RANBP3L: variants seen among roughly 807,000 people sequenced by gnomAD.
RANBP3L encodes the protein RAN binding protein 3 like, also known as ran-binding protein 3-like.
In RANBP3L, 56 loss-of-function variants were observed where a neutral mutation model predicts 67.2. That is an observed-to-expected ratio of 0.83 (90% CI 0.67 to 1.04). RANBP3L has a LOEUF of 1.04. Among genes scored for constraint, RANBP3L ranks in the 50% least tolerant of loss-of-function variants. The pLI, the probability that RANBP3L is intolerant of heterozygous loss-of-function variation, is 0.00. For synonymous variants in RANBP3L, 164 were observed against 181.4 expected (o/e 0.90, Z 0.77); for missense variants, 496 against 535.5 (o/e 0.93, Z 0.73).
intron 1 of RANBP3L, among the ~76,000 whole-genome samples, chr5:36,277,453 T>G (rs1213602319): frequency 9.7e-6 from 1 of 103,056 alleles, no homozygotes; most frequent in Non-Finnish European, 2.3e-5. Flanking sequence ...TGTGTGTGTG[T>G]GTGTGTGTGT....
chr5:36,284,627 G>GT (rs1041701182), intron 1 of RANBP3L, among the ~76,000 whole-genome samples: 1 of 152,186 alleles, frequency 6.6e-6, no homozygotes, highest in Admixed American at 6.5e-5. Context: ...CTCCAAGGCT[G>GT]TATCAGTCCT....
intron 6 of RANBP3L, among the ~76,000 whole-genome samples, chr5:36,264,678 T>C (rs1344989111): frequency 3.3e-5 from 5 of 152,098 alleles, no homozygotes; most frequent in Non-Finnish European, 7.4e-5. Flanking sequence ...CTCATTGCTG[T>C]CCCCATTCTC....
intron 1 of RANBP3L, among the ~76,000 whole-genome samples, chr5:36,271,703 T>A (rs951980237): frequency 2.6e-5 from 4 of 152,144 alleles, no homozygotes; most frequent in African/African-American, 9.7e-5. Flanking sequence ...TCCACTTAGG[T>A]TAGATGTGGA....
At chr5:36,295,531 C>T (rs920934920) in intron 1 of RANBP3L, among the ~76,000 whole-genome samples, 2 of 152,124 alleles carry the variant, frequency 1.3e-5, no homozygotes, top group African/African-American at 4.8e-5. Flanking sequence ...ATTACCCAGC[C>T]TCAGGGAGTT....
At chr5:36,288,300 G>A (rs981403035) in intron 1 of RANBP3L, among the ~76,000 whole-genome samples, 1 of 152,100 alleles carries the variant, frequency 6.6e-6, no homozygotes, top group African/African-American at 2.4e-5. Context: ...ATGGTTACAT[G>A]TATCAGTAAT....
At chr5:36,274,413 A>T (rs1317312430) in intron 1 of RANBP3L, among the ~76,000 whole-genome samples, 2 of 152,062 alleles carry the variant, frequency 1.3e-5, no homozygotes, top group African/African-American at 4.8e-5. Context: ...AGGAGAGGTG[A>T]TATTTAGACA....
At chr5:36,281,489 G>C (rs922301137) in intron 1 of RANBP3L, among the ~76,000 whole-genome samples, 22 of 152,140 alleles carry the variant, frequency 1.4e-4, no homozygotes, top group African/African-American at 5.1e-4. Flanking sequence ...CTCTAAGTTA[G>C]CTTTCTTCCT....
chr5:36,301,005 C>A (rs149309780), intron 1 of RANBP3L, among the ~76,000 whole-genome samples: 1 of 152,174 alleles, frequency 6.6e-6, no homozygotes, highest in Non-Finnish European at 1.5e-5. Context: ...TAAAGCTACT[C>A]TCAGCTGAAA....
intron 4 of RANBP3L, chr5:36,268,358 T>G: frequency 1.4e-6 from 1 of 723,882 alleles, no homozygotes; most frequent in Non-Finnish European, 2.2e-6. Flanking sequence ...AAAATTTCTG[T>G]ATCACTAATT....
rs558148413 is a variant in RANBP3L, at chr5:36,253,803, G to T, written c.1025-14C>A. ...GATTGCGCATAACTAAAATAGGAAG[G>T]TGACTACATCAGGCCACAGAACAGT... is the stretch of plus-strand genomic sequence containing the variant. On this transcript the variant is annotated splice_polypyrimidine_tract_variant and intron_variant, in intron 11 of 13. Transcript: ENST00000296604. 3.1e-6 allele frequency: 5 copies of T among 1,611,282 alleles called. No individual in the cohort carries two copies. The highest frequency in any genetic ancestry group is 2.2e-5 in the South Asian group (2 of 90,602).
At chr5:36,282,519 A>G (rs1175202846) in intron 1 of RANBP3L, among the ~76,000 whole-genome samples, 1 of 152,196 alleles carries the variant, frequency 6.6e-6, no homozygotes, top group Non-Finnish European at 1.5e-5. Context: ...AAATTTCTTC[A>G]TGGATTCCAA....
intron 1 of RANBP3L, among the ~76,000 whole-genome samples, chr5:36,288,878 T>C (rs1009054723): frequency 1.3e-5 from 2 of 152,124 alleles, no homozygotes; most frequent in Non-Finnish European, 2.9e-5. Context: ...CAAATATATA[T>C]TTGACATTTT....
chr5:36,271,136 T>C (rs1048788245), intron 2 of RANBP3L, 117 bp downstream of exon 2: 1 of 683,690 alleles, frequency 1.5e-6, no homozygotes, highest in African/African-American at 1.8e-5. Flanking sequence ...GGCACTACTC[T>C]GCTAGTAAAG....
At position 36,249,543 on chromosome 5, in the gene RANBP3L, A is replaced by T. The variant is rs1290416986; in HGVS notation, c.*111T>A. On this transcript the variant is annotated 3_prime_UTR_variant, in exon 14 of 14. Transcript: ENST00000296604. ...CAAATTACATTTCTTAAACTTTTCT[A>T]TAAAAACTCTTCAAGGAATGAATAG... The T allele has an allele frequency of 2.0e-6, 1 of 509,504 alleles. No individual in the cohort carries two copies. The highest frequency in any genetic ancestry group is 2.0e-5 in the African/African-American group (1 of 50,646). 31.6% of individuals were successfully genotyped at this position (509,504 alleles called of 1,614,324 possible). A position where few individuals can be genotyped will look rare whatever the true frequency, so the allele number is the denominator to read the frequency against.
chr5:36,261,041 T>G (rs1749347785), intron 7 of RANBP3L, among the ~76,000 whole-genome samples, 177 bp from the exon 8 acceptor site: 1 of 152,200 alleles, frequency 6.6e-6, no homozygotes, highest in African/African-American at 2.4e-5. Context: ...CAGAGGTGAT[T>G]GTCAAAATAG....
At chr5:36,291,364 TTA>T (rs201662294) in intron 1 of RANBP3L, among the ~76,000 whole-genome samples, 6 of 151,610 alleles carry the variant, frequency 4.0e-5, no homozygotes, top group African/African-American at 1.2e-4. Context: ...TTTTTTATTT[TTA>T]TTTTTTTTCA....
At chr5:36,286,814 C>A (rs1364607307) in intron 1 of RANBP3L, among the ~76,000 whole-genome samples, 1 of 152,118 alleles carries the variant, frequency 6.6e-6, no homozygotes, top group African/African-American at 2.4e-5. Flanking sequence ...ACTGCTCTTC[C>A]CCTAGATGTG....
At chr5:36,273,807 T>C (rs58131800) in intron 1 of RANBP3L, among the ~76,000 whole-genome samples, 12,041 of 152,270 alleles carry the variant, frequency 0.079, 1,642 homozygotes, top group African/African-American at 0.28. Context: ...GAAATGACAA[T>C]GTACAAGACA....
At chr5:36,259,626 G>A (rs1253204387) in intron 8 of RANBP3L, among the ~76,000 whole-genome samples, 5 of 151,910 alleles carry the variant, frequency 3.3e-5, no homozygotes, top group Non-Finnish European at 7.4e-5. Flanking sequence ...TAACGAGTTG[G>A]TTCTTTTATT....
Sources: gnomAD v4.1 joint callset for allele counts (sites outside exome capture counted in the v4.1 genomes callset) on GRCh38, gnomAD v4.1.1 for gene constraint, MANE v1.5 for transcripts, NCBI Gene and HGNC (gene_info 2026-07-23, HGNC 2026-07-21) for gene names.